HMCN1: variants seen among roughly 807,000 people sequenced by gnomAD.
HMCN1 encodes the protein hemicentin 1, also known as hemicentin-1.
Under a neutral mutation model 625.9 loss-of-function variants are expected in HMCN1, and 321 were observed. The observed-to-expected ratio is 0.51, with a 90% CI of 0.47 to 0.56. HMCN1 has a LOEUF of 0.56. Ranked by LOEUF, HMCN1 falls within the 20% of genes least tolerant of loss-of-function variation. HMCN1 has a pLI of 0.00. For synonymous variants in HMCN1, 2,425 were observed against 2,417.6 expected, an observed-to-expected ratio of 1.00 and a Z score of -0.09; for missense variants, 6,588 against 6,887.3, an observed-to-expected ratio of 0.96 and a Z score of 1.54.
Position 185,859,039 on chromosome 1 carries a change from G to A in HMCN1, c.340-5431G>A, listed in dbSNP as rs1005285979. On this transcript the variant is annotated intron_variant, in intron 2 of 106. Transcript: ENST00000271588. ...TAAAGATGTGTGTGTGTGTGTGTGT[G>A]TGTGTGTGTGTGTGTGTGTGTGTAT... is the stretch of plus-strand genomic sequence containing the variant. Among the ~76,000 whole-genome samples, 4 of 150,408 alleles carry A rather than the reference G, an allele frequency of 2.7e-5. No individual in the cohort carries two copies. In the South Asian group the frequency reaches 8.4e-4, roughly 32 times the overall value.
rs534312581 is a variant in HMCN1, at chr1:185,863,464, G to A, written c.340-1006G>A. On this transcript the variant is annotated intron_variant, in intron 2 of 106. Transcript: ENST00000271588. The stretch of plus-strand genomic sequence containing the variant: ...TAATGGAGAAGTAAAATTTGAAAGA[G>A]CACTAATATTTCAACAGCAGTGAAA... Among the ~76,000 whole-genome samples the A allele has an allele frequency of 7.2e-5, 11 of 152,300 alleles. No individual in the cohort carries two copies. The South Asian group carries it at 2.1e-3, about 29-fold the overall frequency.
At chr1:186,098,219 A>G (rs941841215) in intron 68 of HMCN1, among the ~76,000 whole-genome samples, 8 of 152,156 alleles carry the variant, frequency 5.3e-5, no homozygotes, top group African/African-American at 1.9e-4. Flanking sequence ...ATATCAAACA[A>G]AAAGCTTCTG....
At chr1:185,737,768 A>G (rs1018936528) in intron 1 of HMCN1, among the ~76,000 whole-genome samples, 1 of 152,192 alleles carries the variant, frequency 6.6e-6, no homozygotes, top group Non-Finnish European at 1.5e-5. Context: ...GAAATAATGG[A>G]TGAATTCTGG....
At chr1:185,997,687 T>C (rs1218824793) in intron 25 of HMCN1, among the ~76,000 whole-genome samples, 163 bp downstream of exon 25, 5 of 152,164 alleles carry the variant, frequency 3.3e-5, no homozygotes, top group African/African-American at 1.2e-4. Context: ...GCTCTTTGAA[T>C]AAGTATTTTT....
intron 4 of HMCN1, among the ~76,000 whole-genome samples, chr1:185,887,854 C>G (rs977627533): frequency 1.8e-4 from 25 of 141,096 alleles, no homozygotes; most frequent in African/African-American, 6.6e-4. Context: ...AATGGTATTT[C>G]CAGTTCTAGA....
At chr1:185,866,505 C>T (rs1037797993) in intron 4 of HMCN1, among the ~76,000 whole-genome samples, 15 of 149,780 alleles carry the variant, frequency 1.0e-4, no homozygotes, top group South Asian at 2.1e-4. Context: ...CCTGGGTTCA[C>T]GCCATTCTCC....
At chr1:186,083,500 TAA>T (rs58407499) in intron 57 of HMCN1, among the ~76,000 whole-genome samples, 12 of 123,654 alleles carry the variant, frequency 9.7e-5, no homozygotes, top group East Asian at 4.6e-4. Context: ...CACTTTTTGC[TAA>T]AAAAAAAAAA....
intron 1 of HMCN1, among the ~76,000 whole-genome samples, chr1:185,746,140 G>A (rs944518248): frequency 6.6e-6 from 1 of 152,210 alleles, no homozygotes; most frequent in African/African-American, 2.4e-5. Flanking sequence ...GAGTTGTGGA[G>A]CTTCCATAGA....
chr1:185,841,038 T>G (rs1412228139), intron 1 of HMCN1, among the ~76,000 whole-genome samples: 1 of 152,182 alleles, frequency 6.6e-6, no homozygotes, highest in Admixed American at 6.5e-5. Flanking sequence ...GGCTGGATAT[T>G]GATCTTGCCA....
chr1:186,004,557 A>G (rs1390276749), intron 29 of HMCN1, among the ~76,000 whole-genome samples: 2 of 152,204 alleles, frequency 1.3e-5, no homozygotes, highest in Admixed American at 6.6e-5. Flanking sequence ...ATTAAAAGAT[A>G]CCATCAATAA....
At position 186,123,320 on chromosome 1, in the gene HMCN1, C is replaced by T. The variant is rs146404939; in HGVS notation, c.12499+100C>T. On this transcript the variant is annotated intron_variant, in intron 81 of 106. Transcript: ENST00000271588. The stretch of plus-strand genomic sequence containing the variant: ...CTGATGGAAGTCAAAAACCCTTAAA[C>T]TCAGTAATCCAAAGTGTGTGTGGGG... The T allele has an allele frequency of 7.1e-4, 988 of 1,389,152 alleles. 5 individuals are homozygous for T. The African/African-American group carries it at 0.012, about 17-fold the overall frequency. The allele number at this position is 1,389,152 out of a possible 1,614,324, so 86.1% of individuals were successfully genotyped here.
chr1:186,128,366 C>T (rs1661752443), intron 83 of HMCN1, 75 bp downstream of exon 83: 1 of 1,233,690 alleles, frequency 8.1e-7, no homozygotes, highest in Non-Finnish European at 1.2e-6. Flanking sequence ...TTTCCTCCAG[C>T]TGTGAAAATT....
chr1:185,904,439 C>T (rs1050597235), intron 4 of HMCN1, among the ~76,000 whole-genome samples: 1 of 151,758 alleles, frequency 6.6e-6, no homozygotes, highest in Non-Finnish European at 1.5e-5. Context: ...TAACTCTTAA[C>T]AATTTGGTGC....
chr1:186,153,718 A>C (rs1387149171), intron 96 of HMCN1, 32 bp from the exon 97 acceptor site: 1 of 1,580,540 alleles, frequency 6.3e-7, no homozygotes. Flanking sequence ...TATGAGCCAT[A>C]TTGATCTTCA....
intron 42 of HMCN1, among the ~76,000 whole-genome samples, 173 bp from the exon 43 acceptor site, chr1:186,052,779 T>G (rs568337768): frequency 5.9e-5 from 9 of 152,214 alleles, no homozygotes; most frequent in African/African-American, 2.2e-4. Context: ...AAGTCTGCTA[T>G]TAGCTATTTA....
chr1:185,811,393 T>C (rs894294544), intron 1 of HMCN1, among the ~76,000 whole-genome samples: 1 of 151,952 alleles, frequency 6.6e-6, no homozygotes, highest in Non-Finnish European at 1.5e-5. Context: ...GTGTGAGGAC[T>C]AGCCTGGGCG....
At chr1:185,813,835 C>T (rs1302660849) in intron 1 of HMCN1, among the ~76,000 whole-genome samples, 2 of 151,964 alleles carry the variant, frequency 1.3e-5, no homozygotes, top group African/African-American at 2.4e-5. Flanking sequence ...TTACCTTAAA[C>T]GTATGCTAAC....
At chr1:185,757,462 G>A (rs190234029) in intron 1 of HMCN1, among the ~76,000 whole-genome samples, 205 of 152,110 alleles carry the variant, frequency 1.3e-3, no homozygotes, top group Non-Finnish European at 2.4e-3. Flanking sequence ...TCTCTCAGCC[G>A]AGAATGTTTT....
At chr1:185,868,151 A>AAACAAC (rs568147274) in intron 4 of HMCN1, among the ~76,000 whole-genome samples, 1 of 151,910 alleles carries the variant, frequency 6.6e-6, no homozygotes, top group Admixed American at 6.6e-5. Flanking sequence ...AGAGCCAGAA[A>AAACAAC]AACAACAACA....
Sources: allele counts gnomAD v4.1 joint callset (sites outside exome capture counted in the v4.1 genomes callset), GRCh38; gene constraint gnomAD v4.1.1; transcripts MANE v1.5; gene names NCBI Gene and HGNC (gene_info 2026-07-23, HGNC 2026-07-21).